CFTR: variants seen among roughly 807,000 people sequenced by gnomAD.
CFTR encodes cystic fibrosis transmembrane conductance regulator.
CFTR carries 181 observed loss-of-function variants against 171.6 expected under a neutral mutation model. The observed-to-expected ratio is 1.05, with a 90% CI of 0.93 to 1.19. CFTR has a LOEUF of 1.19. CFTR is among the 50% of genes most tolerant of loss of function. The pLI is 0.00. For synonymous variants in CFTR, 583 were observed against 608.0 expected, an observed-to-expected ratio of 0.96 and a Z score of 0.60; for missense variants, 1,968 against 1,734.7, an observed-to-expected ratio of 1.13 and a Z score of -2.39.
chr7:117,580,365 T>C (rs75259994), intron 11 of CFTR, among the ~76,000 whole-genome samples: 1,731 of 152,150 alleles, frequency 0.011, 36 homozygotes, highest in African/African-American at 0.039. Context: ...GAGGTGTGAT[T>C]ATATTAATAT....
chr7:117,499,431 G>GTGTGTGTGTGTA (rs1256830961), intron 1 of CFTR, among the ~76,000 whole-genome samples: 2 of 142,518 alleles, frequency 1.4e-5, no homozygotes, highest in African/African-American at 5.3e-5. Context: ...AGTTTCATCT[G>GTGTGTGTGTGTA]TGTGTGTGTG....
chr7:117,641,696 C>T (rs1056563741), intron 22 of CFTR, among the ~76,000 whole-genome samples: 3 of 152,206 alleles, frequency 2.0e-5, no homozygotes, highest in Non-Finnish European at 4.4e-5. Flanking sequence ...TCACCTCTAG[C>T]ACTTGATCTC....
chr7:117,613,062 G>A (rs1242844121), intron 20 of CFTR, among the ~76,000 whole-genome samples: 1 of 152,082 alleles, frequency 6.6e-6, no homozygotes, highest in East Asian at 1.9e-4. Flanking sequence ...TCTCAGCTAG[G>A]GCAGTGGGAA....
rs34863610 is a variant in CFTR, at chr7:117,650,407, A to G, written c.3874-2435A>G. On this transcript the variant is annotated intron_variant, in intron 23 of 26. Transcript: ENST00000003084. ...AAAGCCTAGGGGTAGAGTAGCTTTG[A>G]GAAGAAAGGTAGCATTTCCCCATTT... is the stretch of plus-strand genomic sequence containing the variant. Among the ~76,000 whole-genome samples the G allele has an allele frequency of 8.1e-3, 1,235 of 152,268 alleles. 13 individuals are homozygous for G. The highest frequency in any genetic ancestry group is 0.028 in the African/African-American group (1,177 of 41,558).
At chr7:117,508,152 C>T (rs949331257) in intron 2 of CFTR, among the ~76,000 whole-genome samples, 3 of 152,192 alleles carry the variant, frequency 2.0e-5, no homozygotes, top group African/African-American at 4.8e-5. Context: ...ACTGATGAAA[C>T]GTAAAGCCTT....
At position 117,667,991 on chromosome 7, in the gene CFTR, A is replaced by G. The variant is rs981462414; in HGVS notation, c.*883A>G. The G allele has an allele frequency of 7.9e-5, 12 of 152,344 alleles. No homozygotes were observed. Among genetic ancestry groups the G allele is most frequent in the African/African-American group, 2.7e-4 (11 of 41,456 alleles). 9.4% of individuals were successfully genotyped at this position (152,344 alleles called of 1,614,324 possible). On this transcript the variant is annotated 3_prime_UTR_variant, in exon 27 of 27. Transcript: ENST00000003084. Reference sequence around the variant, plus strand: ...TTGTCACAGGACAGCCCTTCTTTCCACAGAAGCTCCAGGTAGAGGGTGTGT... The same window carrying G: ...TTGTCACAGGACAGCCCTTCTTTCCGCAGAAGCTCCAGGTAGAGGGTGTGT...
intron 11 of CFTR, among the ~76,000 whole-genome samples, chr7:117,560,500 A>C (rs1388433515): frequency 6.6e-6 from 1 of 152,162 alleles, no homozygotes; most frequent in Admixed American, 6.5e-5. Flanking sequence ...AAAAAATTGC[A>C]GAGAAAGTAA....
At chr7:117,588,987 C>G (rs1194328664) in intron 12 of CFTR, among the ~76,000 whole-genome samples, 3 of 152,052 alleles carry the variant, frequency 2.0e-5, no homozygotes, top group African/African-American at 4.8e-5. Context: ...AAGAATTCCA[C>G]AAATTTAGAT....
At chr7:117,654,730 A>G (rs1180269722) in intron 24 of CFTR, among the ~76,000 whole-genome samples, 2 of 152,180 alleles carry the variant, frequency 1.3e-5, no homozygotes, top group African/African-American at 4.8e-5. Context: ...CTGTGAGTCA[A>G]TTAAACCTCT....
At chr7:117,529,899 T>C (rs1371900629) in intron 3 of CFTR, among the ~76,000 whole-genome samples, 1 of 152,180 alleles carries the variant, frequency 6.6e-6, no homozygotes. Flanking sequence ...CTCTCAGGGT[T>C]ACCCTCTGAT....
intron 12 of CFTR, among the ~76,000 whole-genome samples, 197 bp from the exon 13 acceptor site, chr7:117,590,156 A>T (rs41281087): frequency 1.0e-3 from 153 of 152,136 alleles, no homozygotes; most frequent in Admixed American, 2.9e-3. Flanking sequence ...TTTATTCCTC[A>T]TTTAAAATAA....
chr7:117,606,600 T>G (rs1354397777), intron 17 of CFTR, 74 bp from the exon 18 acceptor site: 2 of 831,186 alleles, frequency 2.4e-6, no homozygotes, highest in Non-Finnish European at 4.2e-6. Flanking sequence ...TGATCCAAAC[T>G]TAGTATTGAA....
intron 15 of CFTR, among the ~76,000 whole-genome samples, chr7:117,601,823 C>G (rs1481644258): frequency 6.6e-6 from 1 of 152,146 alleles, no homozygotes; most frequent in Non-Finnish European, 1.5e-5. Context: ...GAACAGAGCA[C>G]AGATGATCTA....
chr7:117,530,957 C>T lies in CFTR; in HGVS notation c.332C>T (p.Pro111Leu), dbSNP rs140502196. 1.5e-4 allele frequency: 242 copies of T among 1,613,652 alleles called. No homozygotes were observed. The highest frequency in any genetic ancestry group is 5.0e-4 in the Middle Eastern group (3 of 6,058). ...GGAAGAATCATAGCTTCCTATGACC[C>T]GGATAACAAGGAGGAACGCTCTATC... ...LLGRIIASYD[P>L]DNKEERSIAI... The change falls in exon 4 of 27, where the codon CCG becomes CTG. Residue 111 changes from proline to leucine, a missense_variant. By Grantham distance (98) the Pro-to-Leu change is moderately conservative. Transcript: ENST00000003084.
In CFTR at chr7:117,592,148, A is replaced by G. The variant is rs777973729; in HGVS notation, c.1981A>G (p.Ile661Val). The G allele has an allele frequency of 3.1e-6, 5 of 1,614,048 alleles. No individual in the cohort carries two copies. Among genetic ancestry groups the G allele is most frequent in the South Asian group, 1.1e-5 (1 of 91,084 alleles). Reference protein sequence around the residue: ...DQFSAERRNSILTETLHRFSL... With the variant: ...DQFSAERRNSVLTETLHRFSL... ...ATTTAGTGCAGAAAGAAGAAATTCA[A>G]TCCTAACTGAGACCTTACACCGTTT... The change falls in exon 14 of 27, where the codon ATC becomes GTC. Residue 661 changes from isoleucine (I) to valine (V), a missense_variant. Physicochemically the swap from Ile to Val is conservative, Grantham distance 29. Coordinates refer to ENST00000003084, the MANE Select transcript of CFTR (RefSeq NM_000492.4).
At chr7:117,483,127 T>G (rs1305700875) in intron 1 of CFTR, among the ~76,000 whole-genome samples, 1 of 152,218 alleles carries the variant, frequency 6.6e-6, no homozygotes, top group Non-Finnish European at 1.5e-5. Flanking sequence ...CACAAAGTAA[T>G]GAGAGATTTT....
At chr7:117,634,331 CT>C (rs1448701150) in intron 22 of CFTR, among the ~76,000 whole-genome samples, 1 of 152,022 alleles carries the variant, frequency 6.6e-6, no homozygotes, top group Non-Finnish European at 1.5e-5. Context: ...GTGATGTCCC[CT>C]TTTTTGTTTT....
rs756799384 is a variant in CFTR, at chr7:117,603,749, G to A, written c.2875G>A (p.Ala959Thr). Reference protein sequence around the residue: ...HHKMLHSVLQAPMSTLNTLKA... With the variant: ...HHKMLHSVLQTPMSTLNTLKA... Reference sequence around the variant, plus strand: ...CAAAATGTTACATTCTGTTCTTCAAGCACCTATGTCAACCCTCAACACGTT... The same window carrying A: ...CAAAATGTTACATTCTGTTCTTCAAACACCTATGTCAACCCTCAACACGTT... Residue 959 changes from alanine to threonine, a missense_variant, in exon 17 of 27, where the codon GCA becomes ACA. Coordinates refer to ENST00000003084, the MANE Select transcript of CFTR (RefSeq NM_000492.4). 6.2e-7 allele frequency: 1 copy of A among 1,613,994 alleles called. No homozygotes were observed.
chr7:117,573,254 G>A (rs1411075286), intron 11 of CFTR, among the ~76,000 whole-genome samples: 5 of 152,062 alleles, frequency 3.3e-5, no homozygotes. Context: ...ATATCACATT[G>A]GATATGTTGT....
Sources: gnomAD v4.1 joint callset for allele counts (sites outside exome capture counted in the v4.1 genomes callset) on GRCh38, gnomAD v4.1.1 for gene constraint, MANE v1.5 for transcripts, NCBI Gene and HGNC (gene_info 2026-07-23, HGNC 2026-07-21) for gene names.